The following DNAJA4 variants were observed in gnomAD, a reference collection of about 807,000 sequenced individuals.
The protein encoded by DNAJA4 is dnaJ homolog subfamily A member 4.
DNAJA4 carries 32 observed loss-of-function variants against 39.7 expected under a neutral mutation model. The observed-to-expected ratio is 0.81, with a 90% CI of 0.61 to 1.08. The LOEUF is 1.08. Among genes scored for constraint, DNAJA4 ranks in the 50% least tolerant of loss-of-function variants. DNAJA4 has a pLI of 0.00. For synonymous variants in DNAJA4, 184 were observed against 182.4 expected (o/e 1.01, Z -0.07); for missense variants, 439 against 505.1 (o/e 0.87, Z 1.25).
In DNAJA4 at chr15:78,270,635, A is replaced by G. The variant is rs781074440; in HGVS notation, c.271A>G (p.Met91Val). The G allele has an allele frequency of 5.0e-6, 8 of 1,614,074 alleles. No homozygotes were observed. Among genetic ancestry groups the G allele is most frequent in the Admixed American group, 3.3e-5 (2 of 59,990 alleles). The part of the protein sequence containing the change: ...SFSSPMDIFD[M>V]FFGGGGRMAR... ...CTCTTCACCCATGGACATCTTTGACATGTTCTTTGGTGGTGGTGGACGGAT... is the reference window on the plus strand; with the variant it reads ...CTCTTCACCCATGGACATCTTTGACGTGTTCTTTGGTGGTGGTGGACGGAT... The change falls in exon 2 of 7, where the codon ATG (methionine) becomes GTG (valine). Residue 91 changes from methionine to valine, a missense_variant. By Grantham distance (21) the Met-to-Val change is conservative. Transcript: ENST00000394852.
chr15:78,268,569 T>A (rs1318742581), intron 1 of DNAJA4, among the ~76,000 whole-genome samples: 1 of 152,210 alleles, frequency 6.6e-6, no homozygotes, highest in Non-Finnish European at 1.5e-5. Flanking sequence ...TGGCACTTTT[T>A]TTCCCTGAAT....
At chr15:78,269,558 C>T (rs572637052) in intron 1 of DNAJA4, among the ~76,000 whole-genome samples, 13 of 152,222 alleles carry the variant, frequency 8.5e-5, no homozygotes, top group African/African-American at 1.2e-4. Flanking sequence ...TATAGCATAA[C>T]CTTTCAGCCC....
intron 1 of DNAJA4, among the ~76,000 whole-genome samples, chr15:78,267,738 C>T (rs1445589365): frequency 6.6e-6 from 1 of 152,234 alleles, no homozygotes; most frequent in African/African-American, 2.4e-5. Context: ...CTCTGTGCTT[C>T]TTTCCAAGCT....
Position 78,280,124 on chromosome 15 carries a change from G to C in DNAJA4, c.957G>C (p.Gly319=). The change falls in exon 6 of 7, where the codon GGG becomes GGC. Residue 319 remains glycine, a synonymous_variant. Coordinates refer to ENST00000394852, the MANE Select transcript of DNAJA4 (RefSeq NM_001130182.2). ...MPIYKAPLEK[G]ILIIQFLVIF... Reference sequence around the variant, plus strand: ...TCTACAAAGCACCCCTGGAAAAAGGGATTCTGATCATACAGTTTTTAGTAA... The same window carrying C: ...TCTACAAAGCACCCCTGGAAAAAGGCATTCTGATCATACAGTTTTTAGTAA... 6.2e-7 allele frequency: 1 copy of C among 1,614,234 alleles called. No individual in the cohort carries two copies. Among genetic ancestry groups the C allele is most frequent in the Non-Finnish European group, 8.5e-7 (1 of 1,180,030 alleles).
intron 4 of DNAJA4, chr15:78,274,666 A>G (rs1017839795): frequency 3.7e-6 from 2 of 535,478 alleles, no homozygotes; most frequent in African/African-American, 3.8e-5. Flanking sequence ...CAGCCTCTTT[A>G]TGAGGTTTTC....
In DNAJA4 at chr15:78,282,008, TGGGG is replaced by T. The variant is rs2049673891; in HGVS notation, c.*1549_*1552del. The T allele has an allele frequency of 6.6e-6, 1 of 152,194 alleles. No individual in the cohort carries two copies. The highest frequency in any genetic ancestry group is 1.5e-5 in the Non-Finnish European group (1 of 68,018). 9.4% of individuals were successfully genotyped at this position (152,194 alleles called of 1,614,324 possible). On this transcript the variant is annotated 3_prime_UTR_variant, in exon 7 of 7. Coordinates refer to ENST00000394852, the MANE Select transcript of DNAJA4 (RefSeq NM_001130182.2). The stretch of plus-strand genomic sequence containing the variant: ...TCTATTTATAAATGGACCACAACTC[TGGGG>T]TGTCGTTTTTGTGCTGTGACTTCCT...
intron 1 of DNAJA4, among the ~76,000 whole-genome samples, chr15:78,266,685 C>G (rs1211229309): frequency 6.6e-6 from 1 of 152,228 alleles, no homozygotes; most frequent in Non-Finnish European, 1.5e-5. Flanking sequence ...GTGCATCCTA[C>G]TTTAATGGTG....
rs761391866 is a variant in DNAJA4, at chr15:78,280,831, C to A, written c.*371C>A. On this transcript the variant is annotated 3_prime_UTR_variant, in exon 7 of 7. Transcript: ENST00000394852. ...TAGCAGCTTAGCCCCCCTAGCAAAC[C>A]CCAAGGCACAAAGTGGGCATCCTGA... is the stretch of plus-strand genomic sequence containing the variant. The A allele has an allele frequency of 4.9e-5, 9 of 184,980 alleles. No individual in the cohort carries two copies. Among genetic ancestry groups the A allele is most frequent in the Non-Finnish European group, 1.0e-4 (9 of 88,356 alleles). 11.5% of individuals were successfully genotyped at this position (184,980 alleles called of 1,614,324 possible).
At chr15:78,276,642 C>T (rs567320477) in intron 5 of DNAJA4, among the ~76,000 whole-genome samples, 4 of 152,348 alleles carry the variant, frequency 2.6e-5, no homozygotes, top group Admixed American at 6.5e-5. Context: ...GCTACGCCAC[C>T]GAAGCAGCCT....
At position 78,280,088 on chromosome 15, in the gene DNAJA4, A is replaced by AG; in HGVS notation, c.923dup (p.Met309AsnfsTer23). On this transcript the variant is annotated frameshift_variant, in exon 6 of 7. Transcript: ENST00000394852. LOFTEE classifies it high-confidence loss of function. ...GGGACCTGAGATGCGTGCGCGATGA[A>AG]GGAATGCCCATCTACAAAGCACCCC... The AG allele has an allele frequency of 6.2e-7, 1 of 1,614,238 alleles. No individual in the cohort carries two copies. Among genetic ancestry groups the AG allele is most frequent in the Non-Finnish European group, 8.5e-7 (1 of 1,180,044 alleles).
intron 5 of DNAJA4, among the ~76,000 whole-genome samples, chr15:78,278,744 C>T (rs1028665472): frequency 4.6e-5 from 7 of 151,682 alleles, no homozygotes; most frequent in African/African-American, 1.2e-4. Context: ...CTCTGCTTCC[C>T]GGGTTCACGC....
intron 2 of DNAJA4, 116 bp downstream of exon 2, chr15:78,270,793 C>A: frequency 2.6e-6 from 3 of 1,162,568 alleles, no homozygotes; most frequent in South Asian, 1.9e-5. Context: ...CGCGGTGGTT[C>A]ATGTCTGTAA....
chr15:78,267,172 G>A (rs57457054), intron 1 of DNAJA4, among the ~76,000 whole-genome samples: 1 of 128,482 alleles, frequency 7.8e-6, no homozygotes, highest in Non-Finnish European at 1.6e-5. Flanking sequence ...GTGAGTGTGT[G>A]AGTGTGTGAG....
chr15:78,279,805 T>C lies in DNAJA4; in HGVS notation c.878-240T>C, dbSNP rs2049600047. 3.5e-6 allele frequency: 2 copies of C among 576,180 alleles called. No homozygotes were observed. Among genetic ancestry groups the C allele is most frequent in the South Asian group, 2.1e-5 (1 of 46,894 alleles). 35.7% of individuals were successfully genotyped at this position (576,180 alleles called of 1,614,324 possible). On this transcript the variant is annotated intron_variant, in intron 5 of 6. Transcript: ENST00000394852. This position sits in a 1 kb window ranked among gnomAD's most constrained non-coding sequence, Gnocchi z 4.5. ...ACCTGTGATGGCAGCTGCACCATGC[T>C]GCCCTCTTGACACACTGCTGGAGCC...
At chr15:78,264,323 GGC>G (rs1389127742), upstream of DNAJA4, 12 of 1,416,680 alleles carry the variant, frequency 8.5e-6, no homozygotes, top group Non-Finnish European at 1.1e-5. Flanking sequence ...CATGGCCCGG[GGC>G]GGCAGTCAGA....
intron 1 of DNAJA4, among the ~76,000 whole-genome samples, chr15:78,268,296 C>T (rs986293030): frequency 1.8e-4 from 27 of 152,196 alleles, no homozygotes; most frequent in Non-Finnish European, 3.2e-4. Flanking sequence ...TTACACTCTA[C>T]CTCATGTTTT....
In DNAJA4 at chr15:78,270,380, C is replaced by T. The variant is rs1701000096; in HGVS notation, c.133-117C>T. 6 of 1,050,814 alleles carry T rather than the reference C, an allele frequency of 5.7e-6. No individual in the cohort carries two copies. In the Admixed American group the frequency reaches 9.1e-5, roughly 16 times the overall value. 65.1% of individuals were successfully genotyped at this position (1,050,814 alleles called of 1,614,324 possible). A position where few individuals can be genotyped will look rare whatever the true frequency, so the allele number is the denominator to read the frequency against. ...TCCAGGTAGAGGATGTATAGACTGGCTAGTTCAAGGGTTTGGGGGCAGAAT... is the reference window on the plus strand; with the variant it reads ...TCCAGGTAGAGGATGTATAGACTGGTTAGTTCAAGGGTTTGGGGGCAGAAT... On this transcript the variant is annotated intron_variant, in intron 1 of 6. Coordinates refer to ENST00000394852, the MANE Select transcript of DNAJA4 (RefSeq NM_001130182.2).
chr15:78,268,805 A>G (rs953837491), intron 1 of DNAJA4, among the ~76,000 whole-genome samples: 13 of 152,302 alleles, frequency 8.5e-5, no homozygotes, highest in East Asian at 7.7e-4. Flanking sequence ...CCCCATCTTC[A>G]TGGAGCTTAT....
chr15:78,270,460 A>G, intron 1 of DNAJA4, 37 bp from the exon 2 acceptor site: 1 of 1,590,638 alleles, frequency 6.3e-7, no homozygotes, highest in African/African-American at 1.4e-5. Flanking sequence ...AACAACTGAA[A>G]CTTCTCTAAA....
Sources: gnomAD v4.1 joint callset for allele counts (sites outside exome capture counted in the v4.1 genomes callset) on GRCh38, gnomAD v4.1.1 for gene constraint, Gnocchi (gnomAD v3.1) non-coding constraint, MANE v1.5 for transcripts, NCBI Gene and HGNC (gene_info 2026-07-23, HGNC 2026-07-21) for gene names.